TRANK1: variants seen among roughly 807,000 people sequenced by gnomAD.
The protein encoded by TRANK1 is TPR and ankyrin repeat-containing protein 1.
Under a neutral mutation model 266.0 loss-of-function variants are expected in TRANK1, and 198 were observed. That is an observed-to-expected ratio of 0.74 (90% CI 0.66 to 0.84). The LOEUF (loss-of-function observed/expected upper bound fraction) is 0.84. Ranked by LOEUF, TRANK1 falls within the 40% of genes least tolerant of loss-of-function variation. The pLI is 0.00. For synonymous variants in TRANK1, 1,396 were observed against 1,384.1 expected, an observed-to-expected ratio of 1.01 and a Z score of -0.19; for missense variants, 3,326 against 3,634.6, an observed-to-expected ratio of 0.92 and a Z score of 2.18.
chr3:36,908,192 G>A, intron 2 of TRANK1, 131 bp downstream of exon 2: 1 of 1,053,804 alleles, frequency 9.5e-7, no homozygotes. Flanking sequence ...ACAATGCAGA[G>A]AAGATAAATA....
intron 1 of TRANK1, among the ~76,000 whole-genome samples, chr3:36,940,487 G>A (rs1045425517): frequency 2.9e-5 from 4 of 139,966 alleles, no homozygotes; most frequent in East Asian, 2.1e-4. Context: ...GCGACAGAGC[G>A]AGAATCTGTT....
intron 2 of TRANK1, among the ~76,000 whole-genome samples, chr3:36,907,253 C>T (rs1393614320): frequency 6.6e-6 from 1 of 152,128 alleles, no homozygotes; most frequent in Non-Finnish European, 1.5e-5. Flanking sequence ...CACGATCAAG[C>T]GATTCTCCTG....
chr3:36,931,873 C>T (rs777043047), intron 1 of TRANK1, among the ~76,000 whole-genome samples: 3 of 152,056 alleles, frequency 2.0e-5, no homozygotes, highest in Non-Finnish European at 4.4e-5. Context: ...ATGATTGCAC[C>T]GCTGCACTGC....
At chr3:36,943,343 A>G (rs1194079482) in intron 1 of TRANK1, among the ~76,000 whole-genome samples, 1 of 152,162 alleles carries the variant, frequency 6.6e-6, no homozygotes, top group Non-Finnish European at 1.5e-5. Context: ...CATATTATGC[A>G]TATATACATT....
intron 13 of TRANK1, among the ~76,000 whole-genome samples, chr3:36,854,356 T>C (rs1367394660): frequency 7.2e-6 from 1 of 138,152 alleles, no homozygotes; most frequent in African/African-American, 2.8e-5. Context: ...CAAGACTCTA[T>C]CTGAAAAAAA....
In TRANK1 at chr3:36,834,814, T is replaced by G. The variant is rs1189850803; in HGVS notation, c.5611A>C (p.Lys1871Gln). 1 of 1,613,708 alleles carries G rather than the reference T, an allele frequency of 6.2e-7. No individual in the cohort carries two copies. The highest frequency in any genetic ancestry group is 8.5e-7 in the Non-Finnish European group (1 of 1,179,854). Residue 1871 changes from lysine (K) to glutamine (Q), a missense_variant, in exon 21 of 24, where the codon AAA becomes CAA. By Grantham distance (53) the Lys-to-Gln change is moderately conservative. Transcript: ENST00000645898. Reference protein sequence around the residue: ...EQIQEFDLALKMYCQEELFEE... With the variant: ...EQIQEFDLALQMYCQEELFEE... ...AAAAGCTCCTCTTGGCAGTACATTT[T>G]GAGTGCTAGATCAAATTCCTGAATC...
Position 36,850,444 on chromosome 3 carries a change from G to A in TRANK1, c.4887+1275C>T, listed in dbSNP as rs534174857. ...CTCCAGGCTCTGCCATCTACATTAC[G>A]ACTATGAGAAATGTACTAATCTCAG... On this transcript the variant is annotated intron_variant, in intron 15 of 23. Coordinates refer to ENST00000645898, the MANE Select transcript of TRANK1 (RefSeq NM_001329998.2). 2.7e-5 allele frequency: 27 copies of A among 985,314 alleles called. 1 individual carries two copies. The East Asian group carries it at 3.4e-4, about 12-fold the overall frequency. The allele number at this position is 985,314 out of a possible 1,614,324, so 61.0% of individuals were successfully genotyped here. A position where few individuals can be genotyped will look rare whatever the true frequency, so the allele number is the denominator to read the frequency against.
In TRANK1 at chr3:36,861,025, C is replaced by T; in HGVS notation, c.1376G>A (p.Gly459Glu). 6.5e-7 allele frequency: 1 copy of T among 1,537,832 alleles called. No homozygotes were observed. The highest frequency in any genetic ancestry group is 8.7e-7 in the Non-Finnish European group (1 of 1,147,042). Reference protein sequence around the residue: ...TRKVSGEPPLGDCLIKDCNFS... With the variant: ...TRKVSGEPPLEDCLIKDCNFS... ...GTTGCAGTCTTTGATGAGGCAATCC[C>T]CAAGCGGTGGTTCTCCACTTACTTT... is the stretch of plus-strand genomic sequence containing the variant. The change falls in exon 11 of 24, where the codon GGG becomes GAG. Residue 459 changes from glycine (G) to glutamate (E), a missense_variant. Physicochemically the swap from Gly to Glu is moderately conservative, Grantham distance 98 (BLOSUM62 -2). Transcript: ENST00000645898.
At chr3:36,864,501 A>T in intron 9 of TRANK1, 21 bp from the exon 10 acceptor site, 1 of 1,495,852 alleles carries the variant, frequency 6.7e-7, no homozygotes, top group Non-Finnish European at 8.8e-7. Context: ...GCACCAGGTA[A>T]TGCTTCTGAA....
In TRANK1 at chr3:36,828,405, G is replaced by A. The variant is rs776027079; in HGVS notation, c.8810-30C>T. ...AGAAAGAAAGAAGGAAGGAAGGAAG[G>A]AAGGAAAGAAGGGAGGGAGGGAGGG... On this transcript the variant is annotated intron_variant, in intron 23 of 23. Coordinates refer to ENST00000645898, the MANE Select transcript of TRANK1 (RefSeq NM_001329998.2). 4.1e-5 allele frequency: 22 copies of A among 536,978 alleles called. No individual in the cohort carries two copies. The African/African-American group carries it at 4.2e-4, about 10-fold the overall frequency. The allele number at this position is 536,978 out of a possible 1,614,324, so 33.3% of individuals were successfully genotyped here.
Position 36,842,617 on chromosome 3 carries a change from C to T in TRANK1, c.5280+5G>A, listed in dbSNP as rs756707723. 1 of 1,613,692 alleles carries T rather than the reference C, an allele frequency of 6.2e-7. No homozygotes were observed. The highest frequency in any genetic ancestry group is 2.2e-5 in the East Asian group (1 of 44,880). ...ACAAGGACCCCTCCTAGTCCAACCCCTTACCTTCCAGCACTGGTGCTTGGC... is the reference window on the plus strand; with the variant it reads ...ACAAGGACCCCTCCTAGTCCAACCCTTTACCTTCCAGCACTGGTGCTTGGC... On this transcript the variant is annotated splice_donor_5th_base_variant and intron_variant, in intron 18 of 23. Transcript: ENST00000645898.
Position 36,855,608 on chromosome 3 carries a change from C to T in TRANK1, c.4114G>A (p.Val1372Ile). Residue 1372 changes from valine to isoleucine, a missense_variant, in exon 13 of 24, where the codon GTA (valine) becomes ATA (isoleucine). Coordinates refer to ENST00000645898, the MANE Select transcript of TRANK1 (RefSeq NM_001329998.2). The stretch of plus-strand genomic sequence containing the variant: ...CGTTTCCTCCCTAATTTCTTATATA[C>T]TTCTTCAGTGAGTCTCCCATGGGGA... ...SCPHGRLTEE[V>I]YKKLGRKRCP... 6.2e-7 allele frequency: 1 copy of T among 1,613,888 alleles called. No homozygotes were observed. The highest frequency in any genetic ancestry group is 8.5e-7 in the Non-Finnish European group (1 of 1,179,850).
chr3:36,857,619 A>G lies in TRANK1; in HGVS notation c.2103T>C (p.Ser701=). The part of the protein sequence containing the change: ...GATARTLPEG[S]AVPDSWETLP... ...GAGTCTCCCAGCTGTCAGGGACTGC[A>G]CTTCCTTCAGGCAGTGTTCTGGCAG... The change falls in exon 13 of 24, where the codon AGT becomes AGC. Residue 701 remains serine, a synonymous_variant. Coordinates refer to ENST00000645898, the MANE Select transcript of TRANK1 (RefSeq NM_001329998.2). This position sits in a 1 kb window ranked among gnomAD's most constrained non-coding sequence, Gnocchi z 4.3. 1.2e-6 allele frequency: 2 copies of G among 1,614,042 alleles called. No homozygotes were observed. The highest frequency in any genetic ancestry group is 1.7e-6 in the Non-Finnish European group (2 of 1,179,886).
At chr3:36,838,946 G>A (rs1448005065) in intron 18 of TRANK1, among the ~76,000 whole-genome samples, 1 of 152,176 alleles carries the variant, frequency 6.6e-6, no homozygotes, top group Admixed American at 6.5e-5. Context: ...CCGTCGAAAA[G>A]GTACAGAATA....
intron 9 of TRANK1, among the ~76,000 whole-genome samples, chr3:36,865,643 G>A (rs752647632): frequency 5.3e-5 from 8 of 152,122 alleles, no homozygotes; most frequent in Non-Finnish European, 1.0e-4. Flanking sequence ...AGGCTGAAAC[G>A]GGTGGATTGC....
At position 36,870,888 on chromosome 3, in the gene TRANK1, C is replaced by CAAG. The variant is rs2079297305; in HGVS notation, c.1078+3235_1078+3237dup. 3.6e-5 allele frequency among the ~76,000 whole-genome samples: 5 copies of CAAG among 138,974 alleles called. No individual in the cohort carries two copies. In the South Asian group the frequency reaches 1.1e-3, roughly 31 times the overall value. The allele number at this position is 138,974 out of a possible 152,430, so 91.2% of individuals were successfully genotyped here. ...GAAGGAAAGAGAAGAGAAGCGAGAG[C>CAAG]AAGAACCTTGCCTCAGAAGACAAGG... On this transcript the variant is annotated intron_variant, in intron 9 of 23. Coordinates refer to ENST00000645898, the MANE Select transcript of TRANK1 (RefSeq NM_001329998.2).
chr3:36,830,925 C>G lies in TRANK1; in HGVS notation c.8658G>C (p.Lys2886Asn). The change falls in exon 22 of 24, where the codon AAG becomes AAC. Residue 2886 changes from lysine to asparagine, a missense_variant. Physicochemically the swap from Lys to Asn is moderately conservative, Grantham distance 94. Transcript: ENST00000645898. Reference protein sequence around the residue: ...HMLQKVQEHIKRVSDMVEDLY... With the variant: ...HMLQKVQEHINRVSDMVEDLY... ...GGTCCTCCACCATATCCGAAACCCT[C>G]TTGATGTGCTCCTGGACCTTCTGCA... is the stretch of plus-strand genomic sequence containing the variant. 1 of 1,613,882 alleles carries G rather than the reference C, an allele frequency of 6.2e-7. No homozygotes were observed. Among genetic ancestry groups the G allele is most frequent in the Non-Finnish European group, 8.5e-7 (1 of 1,179,794 alleles).
At chr3:36,926,314 C>T (rs1311871534) in intron 1 of TRANK1, among the ~76,000 whole-genome samples, 4 of 152,190 alleles carry the variant, frequency 2.6e-5, no homozygotes, top group Non-Finnish European at 4.4e-5. Context: ...GCTAACATAA[C>T]ACACAGCACT....
At chr3:36,837,258 A>G (rs2078782729) in intron 20 of TRANK1, among the ~76,000 whole-genome samples, 1 of 152,206 alleles carries the variant, frequency 6.6e-6, no homozygotes, top group Non-Finnish European at 1.5e-5. Flanking sequence ...TCTAGAGAGC[A>G]GCGTTGTATC....
Sources: gnomAD v4.1 joint callset for allele counts (sites outside exome capture counted in the v4.1 genomes callset) on GRCh38, gnomAD v4.1.1 for gene constraint, Gnocchi (gnomAD v3.1) non-coding constraint, MANE v1.5 for transcripts, NCBI Gene and HGNC (gene_info 2026-07-23, HGNC 2026-07-21) for gene names.